WWP1: variants seen among roughly 807,000 people sequenced by gnomAD.
The protein encoded by WWP1 is NEDD4-like E3 ubiquitin-protein ligase WWP1.
Under a neutral mutation model 130.6 loss-of-function variants are expected in WWP1, and 49 were observed. That is an observed-to-expected ratio of 0.38 (90% confidence interval 0.30 to 0.48). The LOEUF (loss-of-function observed/expected upper bound fraction) is 0.48. Among genes scored for constraint, WWP1 ranks in the 20% least tolerant of loss-of-function variants. The pLI is 0.99. For synonymous variants in WWP1, 332 were observed against 367.8 expected, an observed-to-expected ratio of 0.90 and a Z score of 1.11; for missense variants, 809 against 1,100.6, an observed-to-expected ratio of 0.74 and a Z score of 3.75.
chr8:86,441,149 G>T (rs13258126), intron 17 of WWP1, among the ~76,000 whole-genome samples: 41,061 of 152,076 alleles, frequency 0.27, 6,404 homozygotes, highest in East Asian at 0.54. Context: ...TCTCTGGGCT[G>T]TTGTTTGCTA....
chr8:86,387,315 G>A (rs1440887908), intron 5 of WWP1, among the ~76,000 whole-genome samples: 1 of 151,998 alleles, frequency 6.6e-6, no homozygotes, highest in Admixed American at 6.6e-5. Context: ...AAAATACCAA[G>A]AATCTTGTGA....
chr8:86,458,058 C>T (rs1811554720), intron 22 of WWP1, 33 bp downstream of exon 22: 2 of 1,543,952 alleles, frequency 1.3e-6, no homozygotes, highest in South Asian at 1.1e-5. Flanking sequence ...AAACAAAGTA[C>T]TCAACATATT....
At chr8:86,349,589 G>A (rs1202492928) in intron 1 of WWP1, among the ~76,000 whole-genome samples, 2 of 152,170 alleles carry the variant, frequency 1.3e-5, no homozygotes, top group Admixed American at 6.5e-5. Flanking sequence ...TTTTGAGTCT[G>A]AGCATGCCAC....
intron 14 of WWP1, among the ~76,000 whole-genome samples, chr8:86,435,004 C>T (rs1396622099): frequency 6.6e-6 from 1 of 152,188 alleles, no homozygotes; most frequent in Non-Finnish European, 1.5e-5. Context: ...ACCGTGTGAT[C>T]TGGATGACAA....
At chr8:86,360,062 AAAAAAC>A (rs922558077) in intron 1 of WWP1, among the ~76,000 whole-genome samples, 9 of 150,090 alleles carry the variant, frequency 6.0e-5, no homozygotes, top group South Asian at 2.2e-4. Flanking sequence ...AACAAAAAAC[AAAAAAC>A]AAAAAAAAAA....
chr8:86,458,175 C>A, intron 22 of WWP1, 150 bp downstream of exon 22: 1 of 599,590 alleles, frequency 1.7e-6, no homozygotes, highest in Non-Finnish European at 2.8e-6. Flanking sequence ...ATAGTGTGAA[C>A]ACTTGTTAAA....
chr8:86,433,365 A>G (rs761409259), intron 14 of WWP1, among the ~76,000 whole-genome samples: 1 of 150,334 alleles, frequency 6.7e-6, no homozygotes, highest in Non-Finnish European at 1.5e-5. Context: ...TGCTTTCTAT[A>G]TTCAGCTGCT....
intron 21 of WWP1, among the ~76,000 whole-genome samples, chr8:86,453,206 C>T (rs568265436): frequency 1.3e-5 from 2 of 152,208 alleles, no homozygotes; most frequent in Admixed American, 6.5e-5. Flanking sequence ...CCCCTTTTCC[C>T]CAGCCCCTGG....
At chr8:86,372,014 TG>T (rs370332000) in intron 2 of WWP1, among the ~76,000 whole-genome samples, 180 of 134,102 alleles carry the variant, frequency 1.3e-3, no homozygotes, top group African/African-American at 5.2e-3. Flanking sequence ...GGCTAATTTT[TG>T]TATTTTTTTT....
chr8:86,344,775 CAG>C (rs1822470453), intron 1 of WWP1, among the ~76,000 whole-genome samples: 1 of 152,116 alleles, frequency 6.6e-6, no homozygotes, highest in African/African-American at 2.4e-5. Flanking sequence ...TAAGAGAGCA[CAG>C]AGTTCCTGTT....
intron 20 of WWP1, among the ~76,000 whole-genome samples, chr8:86,451,327 A>G (rs938780705): frequency 3.4e-5 from 5 of 147,098 alleles, no homozygotes; most frequent in African/African-American, 1.3e-4. Context: ...TGACGTATTA[A>G]GGGGATAAGT....
chr8:86,352,304 A>G (rs1822984274), intron 1 of WWP1, among the ~76,000 whole-genome samples: 1 of 152,062 alleles, frequency 6.6e-6, no homozygotes, highest in South Asian at 2.1e-4. Flanking sequence ...GGCTCACTGC[A>G]ACCTCTCCCT....
rs113321500 is a variant in WWP1 at position 86,442,099 on chromosome 8, A to G, written c.1839-520A>G. Among the ~76,000 whole-genome samples the G allele has an allele frequency of 9.2e-5, 14 of 152,256 alleles. 1 individual carries two copies. Among genetic ancestry groups the G allele is most frequent in the Admixed American group, 2.6e-4 (4 of 15,286 alleles). ...CTGTGTATCTCGGTATCACCTGCAA[A>G]TGTATATTAAAACCTGTTGTATATA... On this transcript the variant is annotated intron_variant, in intron 17 of 24. Transcript: ENST00000517970.
At chr8:86,347,475 G>C (rs1330803919) in intron 1 of WWP1, among the ~76,000 whole-genome samples, 1 of 152,138 alleles carries the variant, frequency 6.6e-6, no homozygotes, top group African/African-American at 2.4e-5. Flanking sequence ...CATTAGTTAA[G>C]AGCTGTATGT....
At chr8:86,345,787 CTGTATA>C (rs1055325366) in intron 1 of WWP1, among the ~76,000 whole-genome samples, 1 of 152,104 alleles carries the variant, frequency 6.6e-6, no homozygotes, top group Admixed American at 6.6e-5. Context: ...TAGAGATATG[CTGTATA>C]TATACAGAAA....
chr8:86,411,847 A>G lies in WWP1; in HGVS notation c.1034A>G (p.Asn345Ser). The change falls in exon 9 of 25, where the codon AAT becomes AGT. Residue 345 changes from asparagine (N) to serine (S), a missense_variant. Asn to Ser is a conservative substitution (Grantham distance 46). Transcript: ENST00000517970. ...CMDPVRQQSG[N>S]ANTETLPSGW... Reference sequence around the variant, plus strand: ...GATCCTGTACGGCAGCAGTCTGGGAATGCCAACACAGAAACCTTGCCATCA... The same window carrying G: ...GATCCTGTACGGCAGCAGTCTGGGAGTGCCAACACAGAAACCTTGCCATCA... The G allele has an allele frequency of 6.2e-7, 1 of 1,609,884 alleles. No individual in the cohort carries two copies. Among genetic ancestry groups the G allele is most frequent in the East Asian group, 2.2e-5 (1 of 44,792 alleles).
intron 2 of WWP1, among the ~76,000 whole-genome samples, chr8:86,370,073 A>G (rs962285695): frequency 2.0e-5 from 3 of 152,174 alleles, no homozygotes; most frequent in Admixed American, 6.5e-5. Context: ...ACCTTTTCCC[A>G]GCCCCTAAAG....
intron 5 of WWP1, among the ~76,000 whole-genome samples, chr8:86,391,742 A>G (rs957535027): frequency 1.3e-5 from 2 of 152,174 alleles, no homozygotes; most frequent in Non-Finnish European, 2.9e-5. Context: ...GAAAAATTAC[A>G]AAAGCTTGGT....
At chr8:86,381,452 A>G in intron 4 of WWP1, 53 bp from the exon 5 acceptor site, 7 of 1,552,542 alleles carry the variant, frequency 4.5e-6, no homozygotes, top group Non-Finnish European at 6.0e-6. Context: ...TTACTTATTA[A>G]TAGAATGACA....
Sources: allele counts gnomAD v4.1 joint callset (sites outside exome capture counted in the v4.1 genomes callset), GRCh38; gene constraint gnomAD v4.1.1; transcripts MANE v1.5; gene names NCBI Gene and HGNC (gene_info 2026-07-23, HGNC 2026-07-21).